Variants in RNF128 observed in about 807,000 individuals in gnomAD.
RNF128 encodes the protein ring finger protein 128.
A neutral mutation model predicts 26.2 loss-of-function variants in RNF128; 13 were observed. That is an observed-to-expected ratio of 0.50 (90% CI 0.32 to 0.79). The LOEUF (loss-of-function observed/expected upper bound fraction) is 0.79. Ranked by LOEUF, RNF128 falls within the 30% of genes least tolerant of loss-of-function variation. RNF128 has a pLI of 0.03. For missense variants in RNF128, 315 were observed against 349.7 expected (o/e 0.90, Z 0.79); for synonymous variants, 149 against 142.5 (o/e 1.05, Z -0.32).
upstream of RNF128, among the ~76,000 whole-genome samples, chrX:106,723,769 A>T (rs1391848901): frequency 9.2e-6 from 1 of 109,194 alleles, no homozygotes; most frequent in Admixed American, 9.8e-5. Context: ...GAAAATCCTT[A>T]CTCTCTTTGC....
chrX:106,714,033 G>A (rs1427818497), intron 1 of RNF128, among the ~76,000 whole-genome samples: 2 of 109,993 alleles, frequency 1.8e-5, no homozygotes, highest in Non-Finnish European at 3.8e-5. Flanking sequence ...AAAATTAGTC[G>A]GGTGGTGGCA....
chrX:106,766,271 G>T (rs1248622753), intron 1 of RNF128, among the ~76,000 whole-genome samples: 1 of 111,823 alleles, frequency 8.9e-6, no homozygotes, highest in East Asian at 2.8e-4. Flanking sequence ...TCTAGTTCTA[G>T]ATCCTTGAGG....
intron 1 of RNF128, among the ~76,000 whole-genome samples, chrX:106,770,555 G>A (rs902614308): frequency 4.5e-5 from 5 of 111,066 alleles, no homozygotes; most frequent in African/African-American, 1.6e-4. Context: ...ACTGAAGCTT[G>A]TGCATGCACC....
intron 1 of RNF128, among the ~76,000 whole-genome samples, chrX:106,745,267 T>C (rs1929775327): frequency 9.0e-6 from 1 of 111,640 alleles, no homozygotes; most frequent in Non-Finnish European, 1.9e-5. Flanking sequence ...CTATGTGCCT[T>C]TGTTGATTTT....
chrX:106,789,490 CTA>C (rs68040570), intron 4 of RNF128, among the ~76,000 whole-genome samples: 418 of 1,935 alleles, frequency 0.22, no homozygotes, highest in East Asian at 0.3. Flanking sequence ...ACATTATACA[CTA>C]TATATAATAT....
chrX:106,716,969 G>A (rs1430966841), intron 1 of RNF128, among the ~76,000 whole-genome samples: 3 of 110,771 alleles, frequency 2.7e-5, no homozygotes, highest in Non-Finnish European at 5.7e-5. Context: ...TTGGGAGGCC[G>A]AGGCGGGCAG....
intron 1 of RNF128, among the ~76,000 whole-genome samples, chrX:106,770,356 A>G (rs1457615073): frequency 2.7e-5 from 3 of 111,568 alleles, no homozygotes; most frequent in Non-Finnish European, 5.6e-5. Flanking sequence ...ACGTGGTTCC[A>G]TTCTCCCCGT....
intron 1 of RNF128, among the ~76,000 whole-genome samples, chrX:106,747,210 T>C (rs1426893131): frequency 9.0e-6 from 1 of 111,552 alleles, no homozygotes; most frequent in African/African-American, 3.2e-5. Flanking sequence ...GATTTTTGCC[T>C]AACAGTCCAT....
At chrX:106,694,014 G>T in exon 1 of RNF128, 1 of 1,197,966 alleles carries the variant, frequency 8.3e-7, no homozygotes, top group Non-Finnish European at 1.1e-6. Context: ...TGAACCAGGA[G>T]AATAGGTCCA....
intron 1 of RNF128, among the ~76,000 whole-genome samples, chrX:106,763,905 A>T (rs1363588340): frequency 2.9e-5 from 3 of 103,759 alleles, no homozygotes; most frequent in Admixed American, 2.0e-4. Flanking sequence ...TATACAATGT[A>T]CATTTCTTGC....
chrX:106,757,669 G>A (rs1418395824), intron 1 of RNF128, among the ~76,000 whole-genome samples: 3 of 100,655 alleles, frequency 3.0e-5, no homozygotes, highest in Non-Finnish European at 4.0e-5. Flanking sequence ...CACCAGCACG[G>A]CACATGTATA....
chrX:106,788,118 C>T, intron 4 of RNF128, 118 bp downstream of exon 4: 1 of 385,251 alleles, frequency 2.6e-6, no homozygotes, highest in East Asian at 4.6e-5. Context: ...TATTTTTTAA[C>T]TTATCTTCAT....
chrX:106,777,841 GTGCCT>G, intron 2 of RNF128, among the ~76,000 whole-genome samples: 1 of 111,118 alleles, frequency 9.0e-6, no homozygotes, highest in South Asian at 3.9e-4. Flanking sequence ...ATGGTGGCAT[GTGCCT>G]GTAGTCCCAG....
chrX:106,742,067 C>T (rs1929711108), intron 1 of RNF128, among the ~76,000 whole-genome samples: 1 of 111,678 alleles, frequency 9.0e-6, no homozygotes, highest in Non-Finnish European at 1.9e-5. Flanking sequence ...AATTAGAAGT[C>T]TAAGACTGGT....
At chrX:106,788,675 G>GT (rs1396573844) in intron 4 of RNF128, among the ~76,000 whole-genome samples, 3 of 60,566 alleles carry the variant, frequency 5.0e-5, no homozygotes, top group African/African-American at 2.1e-4. Context: ...ATATAATATA[G>GT]TATATAATAT....
intron 2 of RNF128, among the ~76,000 whole-genome samples, chrX:106,774,160 G>C: frequency 9.0e-6 from 1 of 111,115 alleles, no homozygotes; most frequent in South Asian, 3.8e-4. Flanking sequence ...CCTACTGTTG[G>C]ATAACCATAT....
intron 1 of RNF128, among the ~76,000 whole-genome samples, chrX:106,709,222 C>G (rs1929087435): frequency 9.0e-6 from 1 of 111,336 alleles, no homozygotes; most frequent in African/African-American, 3.3e-5. Context: ...GTACTTCTGA[C>G]AATGAAAAAA....
At chrX:106,732,264 G>C (rs2147670528) in intron 1 of RNF128, among the ~76,000 whole-genome samples, 1 of 111,742 alleles carries the variant, frequency 8.9e-6, no homozygotes, top group Non-Finnish European at 1.9e-5. Context: ...CCAAAACAAA[G>C]TATAGTAATC....
At chrX:106,783,985 T>C (rs1930608182) in intron 2 of RNF128, among the ~76,000 whole-genome samples, 2 of 111,144 alleles carry the variant, frequency 1.8e-5, no homozygotes, top group South Asian at 7.7e-4. Flanking sequence ...ACCTCCAACA[T>C]TGGGGGTCAC....
Sources: gnomAD v4.1 joint callset for allele counts (sites outside exome capture counted in the v4.1 genomes callset) on GRCh38, gnomAD v4.1.1 for gene constraint, MANE v1.5 for transcripts, NCBI Gene and HGNC (gene_info 2026-07-23, HGNC 2026-07-21) for gene names.